COL23A1: variants seen among roughly 807,000 people sequenced by gnomAD.
COL23A1 encodes collagen type XXIII alpha 1 chain.
A neutral mutation model predicts 99.3 loss-of-function variants in COL23A1; 97 were observed. The observed-to-expected ratio is 0.98, with a 90% CI of 0.83 to 1.16. The LOEUF (loss-of-function observed/expected upper bound fraction) is 1.16, where lower values mean the gene tolerates loss of function less well. Among genes scored for constraint, COL23A1 ranks in the 50% most tolerant of loss-of-function variants. The pLI, the probability that COL23A1 is intolerant of heterozygous loss-of-function variation, is 0.00. For synonymous variants in COL23A1, 320 were observed against 308.2 expected (o/e 1.04, Z -0.40); for missense variants, 762 against 757.4 (o/e 1.01, Z -0.07).
At chr5:178,488,852 G>C (rs1757776020) in intron 2 of COL23A1, among the ~76,000 whole-genome samples, 1 of 152,212 alleles carries the variant, frequency 6.6e-6, no homozygotes, top group Admixed American at 6.5e-5. Context: ...GGAAGGAAGA[G>C]GTGGTGTCTG....
chr5:178,422,748 C>G (rs549223034), intron 2 of COL23A1, among the ~76,000 whole-genome samples: 1 of 152,316 alleles, frequency 6.6e-6, no homozygotes, highest in African/African-American at 2.4e-5. Context: ...AGACCCCAAA[C>G]TGTCCCTTGT....
At chr5:178,420,168 T>G (rs1765524902) in intron 2 of COL23A1, among the ~76,000 whole-genome samples, 1 of 152,188 alleles carries the variant, frequency 6.6e-6, no homozygotes, top group African/African-American at 2.4e-5. Context: ...GTCTCGTCAC[T>G]TATCAGCCAC....
chr5:178,546,469 C>G (rs777728889), intron 2 of COL23A1, among the ~76,000 whole-genome samples: 1 of 152,178 alleles, frequency 6.6e-6, no homozygotes, highest in Non-Finnish European at 1.5e-5. Context: ...TGGATCCCCT[C>G]CCTCCTCTCT....
chr5:178,497,411 C>T (rs751878524), intron 2 of COL23A1, among the ~76,000 whole-genome samples: 27 of 152,114 alleles, frequency 1.8e-4, no homozygotes, highest in Non-Finnish European at 3.7e-4. Flanking sequence ...GCAAATCTGA[C>T]CTGGAGGAAA....
Position 178,256,469 on chromosome 5 carries a change from C to T in COL23A1, c.838-72G>A, listed in dbSNP as rs551696548. 7 of 1,429,468 alleles carry T rather than the reference C, an allele frequency of 4.9e-6. No individual in the cohort carries two copies. In the Admixed American group the frequency reaches 1.2e-4, roughly 24 times the overall value. The allele number at this position is 1,429,468 out of a possible 1,614,324, so 88.5% of individuals were successfully genotyped here. ...AACACACCTCCCACGACCCTGCCCCCAGTCCCCTCTTCCCAGGAGGGCCCA... is the reference window on the plus strand; with the variant it reads ...AACACACCTCCCACGACCCTGCCCCTAGTCCCCTCTTCCCAGGAGGGCCCA... On this transcript the variant is annotated intron_variant, in intron 14 of 28. Coordinates refer to ENST00000390654, the MANE Select transcript of COL23A1 (RefSeq NM_173465.4).
chr5:178,471,880 C>G lies in COL23A1; in HGVS notation c.361+88802G>C, dbSNP rs971534812. ...GTCCATGCCCCAGCTCCTTCCACCC[C>G]CTGACTGACTCCGGTGCTTCCCCAT... On this transcript the variant is annotated intron_variant, in intron 2 of 28. Coordinates refer to ENST00000390654, the MANE Select transcript of COL23A1 (RefSeq NM_173465.4). Among the ~76,000 whole-genome samples, 13 of 152,292 alleles carry G rather than the reference C, an allele frequency of 8.5e-5. 1 individual carries two copies. Among genetic ancestry groups the G allele is most frequent in the Non-Finnish European group, 1.8e-4 (12 of 68,016 alleles).
chr5:178,355,356 G>C (rs544396278), intron 2 of COL23A1, among the ~76,000 whole-genome samples: 1 of 152,068 alleles, frequency 6.6e-6, no homozygotes, highest in Non-Finnish European at 1.5e-5. Flanking sequence ...TCTGCAGGGG[G>C]GTCCTGGAGC....
intron 1 of COL23A1, among the ~76,000 whole-genome samples, chr5:178,564,923 T>C (rs1762769491): frequency 1.3e-5 from 2 of 152,200 alleles, no homozygotes; most frequent in African/African-American, 4.8e-5. Context: ...ATTCCTACTC[T>C]GGAGAATATA....
chr5:178,343,856 T>C (rs1013166933), intron 2 of COL23A1, among the ~76,000 whole-genome samples: 2 of 151,994 alleles, frequency 1.3e-5, no homozygotes, highest in Non-Finnish European at 2.9e-5. Context: ...AGAGATGGAG[T>C]TTCACCATGT....
intron 2 of COL23A1, among the ~76,000 whole-genome samples, chr5:178,329,001 G>C (rs1401823681): frequency 2.0e-5 from 3 of 152,170 alleles, no homozygotes; most frequent in African/African-American, 7.2e-5. Flanking sequence ...TCTAGCTTTG[G>C]GGGTGCTGGA....
chr5:178,249,096 TG>T lies in COL23A1; in HGVS notation c.1149+20del. 6.2e-7 allele frequency: 1 copy of T among 1,612,868 alleles called. No individual in the cohort carries two copies. Among genetic ancestry groups the T allele is most frequent in the Non-Finnish European group, 8.5e-7 (1 of 1,179,028 alleles). On this transcript the variant is annotated intron_variant, in intron 19 of 28. Transcript: ENST00000390654. ...GCTTCCACACAGGAGGCGTAATGTGTGGCCCAACCCAGCCACATACCGGGAG... is the reference window on the plus strand; with the variant it reads ...GCTTCCACACAGGAGGCGTAATGTGTGCCCAACCCAGCCACATACCGGGAG...
intron 2 of COL23A1, among the ~76,000 whole-genome samples, chr5:178,407,590 C>T (rs1764831184): frequency 1.4e-5 from 2 of 146,554 alleles, no homozygotes; most frequent in South Asian, 2.2e-4. Flanking sequence ...TATGAACACA[C>T]CTGAAACAAA....
intron 2 of COL23A1, among the ~76,000 whole-genome samples, chr5:178,353,034 C>T (rs1203010825): frequency 6.6e-6 from 1 of 152,220 alleles, no homozygotes; most frequent in Non-Finnish European, 1.5e-5. Context: ...TTTGATCTAG[C>T]AACTCCACTC....
intron 1 of COL23A1, among the ~76,000 whole-genome samples, chr5:178,567,385 C>T (rs763760195): frequency 1.3e-4 from 20 of 152,014 alleles, no homozygotes; most frequent in Non-Finnish European, 2.5e-4. Context: ...TTACAGTGCC[C>T]GAAAGTAAGG....
At chr5:178,257,897 A>G (rs1765395154) in intron 12 of COL23A1, among the ~76,000 whole-genome samples, 1 of 152,196 alleles carries the variant, frequency 6.6e-6, no homozygotes. Context: ...GGCCAAGGAA[A>G]ATATTCAAAT....
At chr5:178,263,856 G>A (rs1291977472) in intron 8 of COL23A1, among the ~76,000 whole-genome samples, 3 of 152,184 alleles carry the variant, frequency 2.0e-5, no homozygotes, top group African/African-American at 7.2e-5. Context: ...TCCACATCAT[G>A]GAACACAACT....
At chr5:178,474,874 T>C (rs1018026676) in intron 2 of COL23A1, among the ~76,000 whole-genome samples, 1 of 152,242 alleles carries the variant, frequency 6.6e-6, no homozygotes, top group African/African-American at 2.4e-5. Flanking sequence ...AGAAATTTAC[T>C]GTCTCATTGT....
intron 2 of COL23A1, among the ~76,000 whole-genome samples, chr5:178,401,338 C>T (rs1245335535): frequency 6.6e-6 from 1 of 152,164 alleles, no homozygotes; most frequent in Non-Finnish European, 1.5e-5. Context: ...TGTTTGAGTC[C>T]CTGCTTTCAG....
intron 2 of COL23A1, among the ~76,000 whole-genome samples, chr5:178,367,456 C>T (rs1020346335): frequency 8.5e-5 from 13 of 152,200 alleles, no homozygotes; most frequent in African/African-American, 2.2e-4. Context: ...GTGTCCTGCA[C>T]ATTTATACAG....
Sources: gnomAD v4.1 joint callset for allele counts (sites outside exome capture counted in the v4.1 genomes callset) on GRCh38, gnomAD v4.1.1 for gene constraint, MANE v1.5 for transcripts, NCBI Gene and HGNC (gene_info 2026-07-23, HGNC 2026-07-21) for gene names.